RGPD4: variants seen among roughly 807,000 people sequenced by gnomAD.
The protein encoded by RGPD4 is ranBP2-like and GRIP domain-containing protein 4.
RGPD4 carries 84 observed loss-of-function variants against 141.1 expected under a neutral mutation model. That is an observed-to-expected ratio of 0.60 (90% CI 0.50 to 0.71). The LOEUF is 0.71. Ranked by LOEUF, RGPD4 falls within the 30% of genes least tolerant of loss-of-function variation. RGPD4 has a pLI of 0.00. For synonymous variants in RGPD4, 298 were observed against 566.8 expected, an observed-to-expected ratio of 0.53 and a Z score of 6.74; for missense variants, 918 against 1,622.4, an observed-to-expected ratio of 0.57 and a Z score of 7.46.
chr2:107,831,103 G>A, intron 1 of RGPD4, among the ~76,000 whole-genome samples: 1 of 81,062 alleles, frequency 1.2e-5, no homozygotes, highest in South Asian at 6.3e-4. Flanking sequence ...CTTGAACCCT[G>A]GAGGCAGAGG....
In RGPD4 at chr2:107,827,008, G is replaced by C. The variant is rs376728798; in HGVS notation, c.-6G>C. ...CACGCGTCTCGGGAGCCAGGTTGGT[G>C]GCGCGATGAGTTGCAGCAAGGCCTA... On this transcript the variant is annotated 5_prime_UTR_variant, in exon 1 of 23. Transcript: ENST00000408999. The C allele has an allele frequency of 1.3e-6, 2 of 1,597,192 alleles. No homozygotes were observed. The highest frequency in any genetic ancestry group is 1.7e-6 in the Non-Finnish European group (2 of 1,173,660).
Position 107,871,164 on chromosome 2 carries a change from G to C in RGPD4, c.3160G>C (p.Glu1054Gln). 1 of 1,610,568 alleles carries C rather than the reference G, an allele frequency of 6.2e-7. No homozygotes were observed. Among genetic ancestry groups the C allele is most frequent in the Non-Finnish European group, 8.5e-7 (1 of 1,179,772 alleles). ...TGAAAAAGTAGAACTTGTAATAGGA[G>C]AAGAAGGTGAAAAAGTTCTGTATTC... is the stretch of plus-strand genomic sequence containing the variant. ...MPEKVELVIGEEGEKVLYSQG... is the reference protein window; with the variant it reads ...MPEKVELVIGQEGEKVLYSQG... The change falls in exon 20 of 23, where the codon GAA becomes CAA. Residue 1054 changes from glutamate to glutamine, a missense_variant. By Grantham distance (29) the Glu-to-Gln change is conservative (BLOSUM62 2). Coordinates refer to ENST00000408999, the MANE Select transcript of RGPD4 (RefSeq NM_182588.3).
chr2:107,885,149 A>T (rs2912704), intron 22 of RGPD4, among the ~76,000 whole-genome samples: 1 of 152,064 alleles, frequency 6.6e-6, no homozygotes, highest in Non-Finnish European at 1.5e-5. Flanking sequence ...CAGATTACAA[A>T]TTCACTGTCT....
At chr2:107,882,314 G>T (rs58854067) in intron 21 of RGPD4, among the ~76,000 whole-genome samples, 1 of 147,382 alleles carries the variant, frequency 6.8e-6, no homozygotes, top group Non-Finnish European at 1.5e-5. Context: ...GTATTAGCTT[G>T]TTGCCTTTCT....
chr2:107,844,956 C>G (rs1485683870), intron 6 of RGPD4, among the ~76,000 whole-genome samples: 3 of 137,600 alleles, frequency 2.2e-5, no homozygotes, highest in African/African-American at 8.3e-5. Context: ...CTGCCTCAGC[C>G]TCCTGAGTAG....
intron 1 of RGPD4, among the ~76,000 whole-genome samples, chr2:107,834,238 A>C (rs1367951646): frequency 1.3e-5 from 2 of 149,798 alleles, no homozygotes. Flanking sequence ...CATTTTTTTC[A>C]TTTAGATGCG....
At chr2:107,889,695 G>A (rs905497576) in intron 22 of RGPD4, among the ~76,000 whole-genome samples, 1 of 151,986 alleles carries the variant, frequency 6.6e-6, no homozygotes, top group African/African-American at 2.4e-5. Flanking sequence ...CTGTGCATTT[G>A]TCAAGACTCA....
Position 107,856,046 on chromosome 2 carries a change from A to G in RGPD4, c.1067-714A>G, listed in dbSNP as rs934006783. Among the ~76,000 whole-genome samples, 8 of 139,782 alleles carry G rather than the reference A, an allele frequency of 5.7e-5. 1 individual carries two copies. The highest frequency in any genetic ancestry group is 2.4e-4 in the African/African-American group (8 of 32,934). The allele number at this position is 139,782 out of a possible 152,430, so 91.7% of individuals were successfully genotyped here. On this transcript the variant is annotated intron_variant, in intron 8 of 22. Transcript: ENST00000408999. ...AAAAATCTCTGGGAACAAGGCCTGG[A>G]AATAATTCTTTTTTTTTTTTTTTTC...
At chr2:107,870,098 TA>T (rs1354114982) in intron 19 of RGPD4, 121 bp downstream of exon 19, 1 of 552,488 alleles carries the variant, frequency 1.8e-6, no homozygotes, top group African/African-American at 2.1e-5. Flanking sequence ...AAAATGTAGA[TA>T]TTTTAAATTT....
rs373613501 is a variant in RGPD4 at position 107,882,717 on chromosome 2, G to A, written c.5110G>A (p.Glu1704Lys). The change falls in exon 22 of 23, where the codon GAG becomes AAG. Residue 1704 changes from glutamate to lysine, a missense_variant. By Grantham distance (56) the Glu-to-Lys change is moderately conservative (BLOSUM62 1). Transcript: ENST00000408999. ...IRRLERNQEQ[E>K]ESAANVEHLK... ...AAGATTGGAAAGGAATCAAGAGCAAGAGGAGTCTGCAGCTAACGTGGAACA... is the reference window on the plus strand; with the variant it reads ...AAGATTGGAAAGGAATCAAGAGCAAAAGGAGTCTGCAGCTAACGTGGAACA... 20 of 1,611,558 alleles carry A rather than the reference G, an allele frequency of 1.2e-5. No individual in the cohort carries two copies. Among genetic ancestry groups the A allele is most frequent in the Non-Finnish European group, 4.2e-6 (5 of 1,179,874 alleles).
chr2:107,886,345 T>G (rs1370061965), intron 22 of RGPD4, among the ~76,000 whole-genome samples: 1 of 96,440 alleles, frequency 1.0e-5, no homozygotes, highest in Non-Finnish European at 2.1e-5. Context: ...AGAGTAAAAC[T>G]GCCCCTAAAA....
rs1675311718 is a variant in RGPD4, at chr2:107,880,114, T to C, written c.5064+7T>C. 1 of 1,611,328 alleles carries C rather than the reference T, an allele frequency of 6.2e-7. No individual in the cohort carries two copies. On this transcript the variant is annotated splice_region_variant and intron_variant, in intron 21 of 22. Coordinates refer to ENST00000408999, the MANE Select transcript of RGPD4 (RefSeq NM_182588.3). ...CCTTATGGAGCAAATTAAGGTGAGA[T>C]CAGAAAACCTGGCCACCATGAAAAC... is the stretch of plus-strand genomic sequence containing the variant.
intron 6 of RGPD4, among the ~76,000 whole-genome samples, chr2:107,845,849 C>G (rs1573478328): frequency 6.6e-6 from 1 of 151,758 alleles, no homozygotes; most frequent in Non-Finnish European, 1.5e-5. Context: ...CAGGCGTGAG[C>G]CACCGCGCCC....
chr2:107,844,144 G>A (rs2556116), intron 6 of RGPD4, among the ~76,000 whole-genome samples: 5 of 151,418 alleles, frequency 3.3e-5, no homozygotes, highest in Admixed American at 2.0e-4. Flanking sequence ...CATCACTGGT[G>A]TTTCAGAAAA....
chr2:107,876,187 A>G (rs368790772), intron 20 of RGPD4, among the ~76,000 whole-genome samples: 10 of 151,350 alleles, frequency 6.6e-5, no homozygotes, highest in African/African-American at 2.5e-4. Flanking sequence ...GATAGGTTCC[A>G]TGGTTTTTAT....
At chr2:107,829,668 C>A (rs892846138) in intron 1 of RGPD4, among the ~76,000 whole-genome samples, 3 of 152,138 alleles carry the variant, frequency 2.0e-5, no homozygotes, top group Non-Finnish European at 4.4e-5. Context: ...CACTTGCGAG[C>A]GCAGGAAGAG....
rs1048935094 is a variant in RGPD4, at chr2:107,890,850, G to A, written c.*119G>A. The A allele has an allele frequency of 2.9e-5, 37 of 1,268,748 alleles. No individual in the cohort carries two copies. Among genetic ancestry groups the A allele is most frequent in the Non-Finnish European group, 3.8e-5 (34 of 891,766 alleles). The allele number at this position is 1,268,748 out of a possible 1,614,324, so 78.6% of individuals were successfully genotyped here. On this transcript the variant is annotated 3_prime_UTR_variant, in exon 23 of 23. Transcript: ENST00000408999. ...AAATCTATTTACAAAAATGGTTCAT[G>A]TGTATTACCATCATTCTTTTGTCAA...
At chr2:107,874,380 AG>A (rs1459557667) in intron 20 of RGPD4, among the ~76,000 whole-genome samples, 2 of 148,996 alleles carry the variant, frequency 1.3e-5, no homozygotes, top group African/African-American at 5.0e-5. Context: ...GAGTGGAACA[AG>A]AAGTGGGATC....
intron 22 of RGPD4, among the ~76,000 whole-genome samples, chr2:107,888,455 T>A (rs1175011781): frequency 6.6e-6 from 1 of 151,264 alleles, no homozygotes; most frequent in Admixed American, 6.6e-5. Context: ...TTGGAACACA[T>A]AACCAGTGCC....
Sources: allele counts gnomAD v4.1 joint callset (sites outside exome capture counted in the v4.1 genomes callset), GRCh38; gene constraint gnomAD v4.1.1; transcripts MANE v1.5; gene names NCBI Gene and HGNC (gene_info 2026-07-23, HGNC 2026-07-21).